Variants in FHIT observed in about 807,000 individuals in gnomAD.
The protein encoded by FHIT is bis(5'-adenosyl)-triphosphatase.
In FHIT, 19 loss-of-function variants were observed where a neutral mutation model predicts 17.9. The observed-to-expected ratio is 1.06, with a 90% CI of 0.74 to 1.56. The LOEUF (loss-of-function observed/expected upper bound fraction) is 1.56, where lower values mean the gene tolerates loss of function less well. Ranked by LOEUF, FHIT falls within the 40% of genes most tolerant of loss-of-function variation. FHIT has a pLI of 0.00. For synonymous variants in FHIT, 81 were observed against 69.7 expected, an observed-to-expected ratio of 1.16 and a Z score of -0.81; for missense variants, 248 against 189.2, an observed-to-expected ratio of 1.31 and a Z score of -1.82.
At chr3:60,643,770 AAACC>A (rs2107795307) in intron 4 of FHIT, among the ~76,000 whole-genome samples, 1 of 152,314 alleles carries the variant, frequency 6.6e-6, no homozygotes, top group South Asian at 2.1e-4. Flanking sequence ...AGTTTCCTCC[AAACC>A]AGAAAGGAAC....
chr3:60,198,056 C>T (rs1702725874), intron 5 of FHIT, among the ~76,000 whole-genome samples: 1 of 152,232 alleles, frequency 6.6e-6, no homozygotes, highest in Non-Finnish European at 1.5e-5. Context: ...ATTAAAAATA[C>T]ATTAGTTCAT....
intron 3 of FHIT, among the ~76,000 whole-genome samples, chr3:60,870,863 T>G (rs1346651594): frequency 6.6e-6 from 1 of 152,090 alleles, no homozygotes. Flanking sequence ...CCATGGACCA[T>G]GGTAAATGAG....
chr3:60,875,927 G>GTGTA (rs1553756392), intron 3 of FHIT, among the ~76,000 whole-genome samples: 1 of 138,744 alleles, frequency 7.2e-6, no homozygotes, highest in East Asian at 2.0e-4. Flanking sequence ...TTATTCATGT[G>GTGTA]TGTGTGTGTG....
intron 8 of FHIT, among the ~76,000 whole-genome samples, chr3:59,895,489 C>A (rs565621197): frequency 5.9e-5 from 9 of 152,204 alleles, no homozygotes; most frequent in Admixed American, 5.2e-4. Flanking sequence ...CAGAACATGA[C>A]TTTGCTTATT....
chr3:60,262,743 C>T (rs1027209265), intron 5 of FHIT, among the ~76,000 whole-genome samples: 2 of 151,608 alleles, frequency 1.3e-5, no homozygotes, highest in Admixed American at 6.6e-5. Flanking sequence ...AATTCCCTGA[C>T]GGCAAAACAA....
At chr3:60,732,544 C>T (rs2042051164) in intron 4 of FHIT, 2 of 649,366 alleles carry the variant, frequency 3.1e-6, no homozygotes, top group African/African-American at 1.8e-5. Flanking sequence ...TTTCTGCTGT[C>T]TTTGGAACCT....
intron 5 of FHIT, among the ~76,000 whole-genome samples, chr3:60,078,979 T>C (rs1329064712): frequency 1.3e-5 from 2 of 152,198 alleles, no homozygotes; most frequent in East Asian, 3.9e-4. Context: ...GACTTAATAT[T>C]GCAGCTGTAC....
chr3:60,988,964 A>C (rs1483839498), intron 3 of FHIT, among the ~76,000 whole-genome samples: 4 of 149,010 alleles, frequency 2.7e-5, no homozygotes, highest in African/African-American at 4.9e-5. Flanking sequence ...AAAAAAAAAA[A>C]AAAAAAAAAA....
chr3:60,533,969 A>T (rs2035882875), intron 5 of FHIT, among the ~76,000 whole-genome samples: 1 of 152,162 alleles, frequency 6.6e-6, no homozygotes, highest in Non-Finnish European at 1.5e-5. Flanking sequence ...TAAGGGCTAG[A>T]CTAGGGCAGG....
At chr3:60,434,380 CT>C (rs1183181261) in intron 5 of FHIT, among the ~76,000 whole-genome samples, 1 of 152,070 alleles carries the variant, frequency 6.6e-6, no homozygotes, top group Admixed American at 6.6e-5. Context: ...AAGTACAACT[CT>C]GTCTTTCTCT....
chr3:59,896,416 A>C (rs1403058318), intron 8 of FHIT, among the ~76,000 whole-genome samples: 1 of 152,240 alleles, frequency 6.6e-6, no homozygotes, highest in Non-Finnish European at 1.5e-5. Flanking sequence ...TCCAAATAGC[A>C]TCCTTTATTT....
chr3:60,110,196 C>A (rs1255131064), intron 5 of FHIT, among the ~76,000 whole-genome samples: 2 of 152,084 alleles, frequency 1.3e-5, no homozygotes, highest in Non-Finnish European at 2.9e-5. Context: ...AAGTTTGCCT[C>A]CAAAATAATT....
intron 8 of FHIT, among the ~76,000 whole-genome samples, chr3:59,852,309 A>G (rs953391209): frequency 6.6e-6 from 1 of 152,212 alleles, no homozygotes; most frequent in African/African-American, 2.4e-5. Context: ...TATATCACAC[A>G]TACTATATAC....
chr3:61,196,877 C>T (rs2038866814), intron 2 of FHIT, among the ~76,000 whole-genome samples: 2 of 152,192 alleles, frequency 1.3e-5, no homozygotes, highest in Non-Finnish European at 2.9e-5. Context: ...AATATTTCAA[C>T]CTCGTGTTCC....
At chr3:61,083,754 T>A (rs2035221888) in intron 2 of FHIT, among the ~76,000 whole-genome samples, 3 of 152,352 alleles carry the variant, frequency 2.0e-5, no homozygotes, top group Admixed American at 1.3e-4. Flanking sequence ...ATATGTGTTT[T>A]TTTTATTTTG....
intron 2 of FHIT, among the ~76,000 whole-genome samples, chr3:61,121,406 C>T (rs1337203510): frequency 2.0e-5 from 3 of 152,144 alleles, no homozygotes; most frequent in Middle Eastern, 3.2e-3. Context: ...CTGCAGAAAC[C>T]CTACAAGCCA....
At chr3:60,323,844 G>C (rs1709544040) in intron 5 of FHIT, among the ~76,000 whole-genome samples, 1 of 152,170 alleles carries the variant, frequency 6.6e-6, no homozygotes, top group South Asian at 2.1e-4. Flanking sequence ...GAGGCTCTGA[G>C]CCTGGGGCCT....
chr3:60,934,659 C>T (rs1708109599), intron 3 of FHIT, among the ~76,000 whole-genome samples: 1 of 152,170 alleles, frequency 6.6e-6, no homozygotes, highest in South Asian at 2.1e-4. Flanking sequence ...AATGCTAAAT[C>T]TCAAAGGAGT....
chr3:60,276,551 C>A (rs1216378253), intron 5 of FHIT, among the ~76,000 whole-genome samples: 2 of 152,072 alleles, frequency 1.3e-5, no homozygotes, highest in African/African-American at 4.8e-5. Flanking sequence ...CACGAGCGAA[C>A]AAGGTGAATC....
Sources: allele counts gnomAD v4.1 joint callset (sites outside exome capture counted in the v4.1 genomes callset), GRCh38; gene constraint gnomAD v4.1.1; transcripts MANE v1.5; gene names NCBI Gene and HGNC (gene_info 2026-07-23, HGNC 2026-07-21).